Variants in UNC80 observed in about 807,000 individuals in gnomAD.
UNC80 encodes the protein unc-80 subunit of NALCN channel complex.
In UNC80, 164 loss-of-function variants were observed where a neutral mutation model predicts 384.6. The observed-to-expected ratio is 0.43, with a 90% CI of 0.38 to 0.49. The LOEUF is 0.49. Ranked by LOEUF, UNC80 falls within the 20% of genes least tolerant of loss-of-function variation. UNC80 has a pLI of 0.00. For missense variants in UNC80, 3,330 were observed against 4,143.0 expected (o/e 0.80, Z 5.39); for synonymous variants, 1,486 against 1,527.8 (o/e 0.97, Z 0.64).
intron 42 of UNC80, among the ~76,000 whole-genome samples, chr2:209,938,291 C>A (rs930994686): frequency 2.0e-5 from 3 of 152,168 alleles, no homozygotes; most frequent in East Asian, 3.9e-4. Flanking sequence ...AAAAATGATA[C>A]AATTTTAATA....
At chr2:209,953,985 G>C (rs1436438760) in intron 47 of UNC80, 115 bp from the exon 48 acceptor site, 1 of 1,172,054 alleles carries the variant, frequency 8.5e-7, no homozygotes, top group South Asian at 1.9e-5. Flanking sequence ...GTGGCAAGGG[G>C]CCTTAGAATT....
intron 4 of UNC80, among the ~76,000 whole-genome samples, chr2:209,783,845 G>T (rs967430634): frequency 6.6e-6 from 1 of 152,130 alleles, no homozygotes. Context: ...AATCTGATAA[G>T]ATTTGCTTAA....
At chr2:209,983,103 T>C (rs559218359) in intron 60 of UNC80, among the ~76,000 whole-genome samples, 41 of 152,172 alleles carry the variant, frequency 2.7e-4, no homozygotes, top group Non-Finnish European at 5.6e-4. Context: ...GTGATTTTAG[T>C]GTGTTGCTTA....
intron 12 of UNC80, 60 bp from the exon 13 acceptor site, chr2:209,820,251 T>C: frequency 6.8e-7 from 1 of 1,461,456 alleles, no homozygotes; most frequent in Non-Finnish European, 9.0e-7. Flanking sequence ...TAATCAGATC[T>C]CTTTAGGAAG....
At chr2:209,944,691 T>G (rs1444932842) in intron 45 of UNC80, among the ~76,000 whole-genome samples, 3 of 152,170 alleles carry the variant, frequency 2.0e-5, no homozygotes, top group Non-Finnish European at 2.9e-5. Flanking sequence ...TAAGCATACA[T>G]TCCGCAAACA....
chr2:209,934,252 C>T (rs1215566918), intron 39 of UNC80, among the ~76,000 whole-genome samples: 2 of 152,138 alleles, frequency 1.3e-5, no homozygotes. Context: ...CCTTGAAGGG[C>T]TGCCAAGGTT....
At chr2:209,773,667 G>A (rs942878762) in intron 2 of UNC80, among the ~76,000 whole-genome samples, 1 of 152,152 alleles carries the variant, frequency 6.6e-6, no homozygotes, top group Non-Finnish European at 1.5e-5. Context: ...GTGGTGTAGG[G>A]TGTTTTTGCC....
Position 209,820,317 on chromosome 2 carries a change from C to A in UNC80, c.1969C>A (p.Leu657Met). 6.5e-7 allele frequency: 1 copy of A among 1,538,824 alleles called. No homozygotes were observed. The highest frequency in any genetic ancestry group is 1.2e-5 in the South Asian group (1 of 81,316). The change falls in exon 13 of 65, where the codon CTG becomes ATG. Residue 657 changes from leucine to methionine, a missense_variant. Leu to Met is a conservative substitution (Grantham distance 15). Coordinates refer to ENST00000673920, the MANE Select transcript of UNC80 (RefSeq NM_001371986.1). ...TTTATCTTGTTTTCCTCAGGTAGTT[C>A]TGAAGGCTGTTTATCTTGTCCTTAA... ...KNGMLDLSVV[L>M]KAVYLVLNHD...
At chr2:209,991,441 G>A (rs1367200508) in intron 61 of UNC80, among the ~76,000 whole-genome samples, 2 of 151,896 alleles carry the variant, frequency 1.3e-5, no homozygotes, top group Non-Finnish European at 2.9e-5. Context: ...GTCATTTTTT[G>A]CATACAAAAG....
At chr2:209,888,588 G>GT (rs2086043356) in intron 26 of UNC80, among the ~76,000 whole-genome samples, 2 of 151,700 alleles carry the variant, frequency 1.3e-5, no homozygotes, top group African/African-American at 4.8e-5. Flanking sequence ...GTCTTTTATT[G>GT]GTTTTTTTTG....
chr2:209,993,271 C>T (rs1218279741), intron 62 of UNC80, 44 bp from the exon 63 acceptor site: 2 of 1,429,082 alleles, frequency 1.4e-6, no homozygotes, highest in Non-Finnish European at 1.9e-6. Context: ...TCCTCCTAGG[C>T]AGTTAGACCC....
rs181112894 is a variant in UNC80, at chr2:209,824,584, A to C, written c.2332-1323A>C. 6.7e-3 allele frequency among the ~76,000 whole-genome samples: 1,016 copies of C among 152,184 alleles called. 3 individuals carry two copies. Among genetic ancestry groups the C allele is most frequent in the Non-Finnish European group, 9.9e-3 (674 of 67,988 alleles). Reference sequence around the variant, plus strand: ...ATAATGTTGGGTGAGGCAGCTCTCTAGCTGTGGCCTTCAGAGGCACTCATC... The same window carrying C: ...ATAATGTTGGGTGAGGCAGCTCTCTCGCTGTGGCCTTCAGAGGCACTCATC... On this transcript the variant is annotated intron_variant, in intron 13 of 64. Coordinates refer to ENST00000673920, the MANE Select transcript of UNC80 (RefSeq NM_001371986.1).
intron 37 of UNC80, 87 bp downstream of exon 37, chr2:209,930,058 C>A: frequency 1.3e-6 from 1 of 743,640 alleles, no homozygotes; most frequent in Non-Finnish European, 2.0e-6. Context: ...TAGTGCAGTG[C>A]ATGCAACTCA....
chr2:209,823,558 T>C (rs2080290559), intron 13 of UNC80, among the ~76,000 whole-genome samples: 1 of 152,158 alleles, frequency 6.6e-6, no homozygotes, highest in African/African-American at 2.4e-5. Context: ...GGGTTCATCT[T>C]CTTCTAATTC....
chr2:209,839,445 G>T lies in UNC80; in HGVS notation c.3250+15G>T, dbSNP rs987980770. On this transcript the variant is annotated intron_variant, in intron 19 of 64. Transcript: ENST00000673920. The surrounding 1 kb of genome is among the most constrained non-coding windows in gnomAD (Gnocchi z 4.1). Reference sequence around the variant, plus strand: ...ACTCCCCATAGGTAAAAGTATGTCTGTATTTGTTTATGGATTATCTTATTA... The same window carrying T: ...ACTCCCCATAGGTAAAAGTATGTCTTTATTTGTTTATGGATTATCTTATTA... The T allele has an allele frequency of 2.6e-6, 4 of 1,551,514 alleles. No homozygotes were observed. The African/African-American group carries it at 5.5e-5, about 21-fold the overall frequency.
chr2:209,982,506 C>G, intron 60 of UNC80, 189 bp downstream of exon 60: 1 of 621,480 alleles, frequency 1.6e-6, no homozygotes, highest in African/African-American at 1.9e-5. Flanking sequence ...CTAAGCCAAG[C>G]TAGTAGAAGG....
At chr2:209,866,917 C>T (rs2083879087) in intron 22 of UNC80, among the ~76,000 whole-genome samples, 1 of 152,106 alleles carries the variant, frequency 6.6e-6, no homozygotes, top group African/African-American at 2.4e-5. Context: ...TTTATTGACA[C>T]ATAATAGTTG....
chr2:209,855,156 A>G (rs1484055219), intron 22 of UNC80, among the ~76,000 whole-genome samples: 2 of 152,332 alleles, frequency 1.3e-5, no homozygotes. Flanking sequence ...GGACTTGAAT[A>G]GGGCTGGAAG....
chr2:209,820,664 T>C lies in UNC80; in HGVS notation c.2316T>C (p.Asp772=), dbSNP rs1414981720. The change falls in exon 13 of 65, where the codon GAT becomes GAC. Residue 772 remains aspartate, a synonymous_variant. Transcript: ENST00000673920. ...GAGGCGGCCCTTATGAGAAGAATGA[T>C]AAGAACCAAGAGAAGGTATGACTGA... The part of the protein sequence containing the change: ...GGGGGPYEKN[D]KNQEKDESTP... 1 of 1,544,494 alleles carries C rather than the reference T, an allele frequency of 6.5e-7. No individual in the cohort carries two copies. The highest frequency in any genetic ancestry group is 2.4e-5 in the East Asian group (1 of 40,898).
Sources: gnomAD v4.1 joint callset for allele counts (sites outside exome capture counted in the v4.1 genomes callset) on GRCh38, gnomAD v4.1.1 for gene constraint, Gnocchi (gnomAD v3.1) non-coding constraint, MANE v1.5 for transcripts, NCBI Gene and HGNC (gene_info 2026-07-23, HGNC 2026-07-21) for gene names.